Variants in EPHB1 observed in about 807,000 individuals in gnomAD.
EPHB1 encodes EPH receptor B1, also known as ephrin type-B receptor 1.
A neutral mutation model predicts 94.4 loss-of-function variants in EPHB1; 30 were observed. The observed-to-expected ratio is 0.32, with a 90% CI of 0.24 to 0.43. The LOEUF (loss-of-function observed/expected upper bound fraction) is 0.43. EPHB1 is among the 20% of genes least tolerant of loss of function. The probability of loss-of-function intolerance (pLI) is 1.00; values close to 1 mark genes in which losing one functional copy is unlikely to be tolerated. For missense variants in EPHB1, 1,055 were observed against 1,308.3 expected, an observed-to-expected ratio of 0.81 and a Z score of 2.99; for synonymous variants, 522 against 489.1, an observed-to-expected ratio of 1.07 and a Z score of -0.89.
intron 3 of EPHB1, among the ~76,000 whole-genome samples, chr3:135,021,503 C>T (rs55801707): frequency 0.26 from 38,560 of 150,606 alleles, 6,364 homozygotes; most frequent in East Asian, 0.71. Flanking sequence ...AAATCTCTCC[C>T]CCCACCCCCC....
Position 135,028,311 on chromosome 3 carries a change from G to A in EPHB1, c.805+76259G>A, listed in dbSNP as rs564596516. 2.8e-5 allele frequency among the ~76,000 whole-genome samples: 4 copies of A among 143,766 alleles called. No homozygotes were observed. The South Asian group carries it at 8.9e-4, about 32-fold the overall frequency. The allele number at this position is 143,766 out of a possible 152,430, so 94.3% of individuals were successfully genotyped here. ...TTGCTTTTCTAGTTCTTTTAATTGT[G>A]ATGTTAGGGTGTCAATTTTTGATCT... On this transcript the variant is annotated intron_variant, in intron 3 of 15. Transcript: ENST00000398015.
chr3:135,155,326 A>C (rs969917570), intron 6 of EPHB1, among the ~76,000 whole-genome samples: 2 of 152,130 alleles, frequency 1.3e-5, no homozygotes, highest in African/African-American at 4.8e-5. Flanking sequence ...TGAAGAAAGT[A>C]AGATCGTTGT....
intron 1 of EPHB1, among the ~76,000 whole-genome samples, chr3:134,871,232 A>G (rs141286065): frequency 9.2e-5 from 14 of 152,350 alleles, no homozygotes; most frequent in Non-Finnish European, 1.8e-4. Context: ...GACCTAATGA[A>G]GAGACCATCA....
chr3:134,897,116 G>GGGCCC (rs2038101692), intron 1 of EPHB1, among the ~76,000 whole-genome samples: 1 of 152,230 alleles, frequency 6.6e-6, no homozygotes, highest in South Asian at 2.1e-4. Context: ...AGGGAACCTG[G>GGGCCC]GGCCCAGCCC....
intron 1 of EPHB1, among the ~76,000 whole-genome samples, chr3:134,878,076 G>A (rs990710254): frequency 1.5e-4 from 23 of 152,238 alleles, no homozygotes; most frequent in African/African-American, 5.3e-4. Flanking sequence ...CGGAGGGCAG[G>A]CACTGAGTGT....
intron 3 of EPHB1, among the ~76,000 whole-genome samples, chr3:135,047,295 CAG>C (rs1355877209): frequency 6.6e-6 from 1 of 152,184 alleles, no homozygotes; most frequent in Non-Finnish European, 1.5e-5. Flanking sequence ...GCTGGGGAAA[CAG>C]AAGGTGAGAA....
chr3:134,891,427 G>A lies in EPHB1; in HGVS notation c.59-34389G>A, dbSNP rs1010235420. Among the ~76,000 whole-genome samples the A allele has an allele frequency of 1.1e-4, 16 of 151,986 alleles. 1 individual carries two copies. The highest frequency in any genetic ancestry group is 1.0e-3 in the Admixed American group (16 of 15,262). ...CCCTGGCCTATTCCTAATTTTTCCA[G>A]GAAAATTTCTGATGTTTTTCATTAA... is the stretch of plus-strand genomic sequence containing the variant. On this transcript the variant is annotated intron_variant, in intron 1 of 15. Transcript: ENST00000398015.
At chr3:134,848,682 C>T (rs1169601134) in intron 1 of EPHB1, among the ~76,000 whole-genome samples, 6 of 152,186 alleles carry the variant, frequency 3.9e-5, no homozygotes, top group African/African-American at 1.4e-4. Flanking sequence ...TGCAGGCTGT[C>T]ACGCTTTCTC....
At chr3:134,854,102 T>C (rs1290063794) in intron 1 of EPHB1, among the ~76,000 whole-genome samples, 1 of 152,186 alleles carries the variant, frequency 6.6e-6, no homozygotes, top group Non-Finnish European at 1.5e-5. Context: ...TGAGGTGATA[T>C]TGGGCTGAGC....
At chr3:135,200,910 G>A (rs1195137763) in intron 11 of EPHB1, among the ~76,000 whole-genome samples, 1 of 152,164 alleles carries the variant, frequency 6.6e-6, no homozygotes, top group East Asian at 1.9e-4. Flanking sequence ...CATGTTGAGG[G>A]CCCTAAGGCA....
At chr3:135,109,811 G>A (rs1939370243) in intron 4 of EPHB1, among the ~76,000 whole-genome samples, 1 of 152,248 alleles carries the variant, frequency 6.6e-6, no homozygotes, top group Admixed American at 6.5e-5. Context: ...GTGCCAAGAA[G>A]CTGGGCAGGA....
chr3:135,127,578 C>T (rs932291035), intron 4 of EPHB1, among the ~76,000 whole-genome samples: 1 of 152,108 alleles, frequency 6.6e-6, no homozygotes, highest in Non-Finnish European at 1.5e-5. Flanking sequence ...AGAAGGTTAG[C>T]CTTATTAAGA....
At chr3:134,903,014 A>G (rs950938177) in intron 1 of EPHB1, among the ~76,000 whole-genome samples, 7 of 152,168 alleles carry the variant, frequency 4.6e-5, no homozygotes, top group Non-Finnish European at 8.8e-5. Context: ...CACCCTGGCC[A>G]CCCTTCCGCA....
intron 1 of EPHB1, among the ~76,000 whole-genome samples, chr3:134,821,017 A>G (rs758039195): frequency 6.6e-6 from 1 of 152,226 alleles, no homozygotes; most frequent in African/African-American, 2.4e-5. Flanking sequence ...TCCAGTCCAC[A>G]TCAGAGGGCC....
chr3:134,977,182 A>G (rs1319793914), intron 3 of EPHB1, among the ~76,000 whole-genome samples: 1 of 152,122 alleles, frequency 6.6e-6, no homozygotes, highest in Non-Finnish European at 1.5e-5. Context: ...GCAGACTTTC[A>G]GCTTGTGCTT....
intron 3 of EPHB1, among the ~76,000 whole-genome samples, chr3:135,017,295 G>A (rs1417082597): frequency 1.3e-5 from 2 of 152,040 alleles, no homozygotes; most frequent in Non-Finnish European, 2.9e-5. Flanking sequence ...TGAAAGAAAG[G>A]GAAATTAAAA....
In EPHB1 at chr3:135,154,213, A is replaced by G. The variant is rs764684998; in HGVS notation, c.1359A>G (p.Ser453=). 2.5e-6 allele frequency: 4 copies of G among 1,614,008 alleles called. No homozygotes were observed. The highest frequency in any genetic ancestry group is 1.6e-4 in the Middle Eastern group (1 of 6,062). ...VSATMRSITL[S]WPQPEQPNGI... is the part of the protein sequence containing the mutation. Reference sequence around the variant, plus strand: ...CCACTATGAGGAGCATCACCTTGTCATGGCCACAGCCGGAGCAGCCCAATG... The same window carrying G: ...CCACTATGAGGAGCATCACCTTGTCGTGGCCACAGCCGGAGCAGCCCAATG... Residue 453 remains serine (S), a synonymous_variant, in exon 6 of 16, where the codon TCA becomes TCG. Transcript: ENST00000398015.
chr3:135,193,855 A>G (rs551559739), intron 11 of EPHB1, among the ~76,000 whole-genome samples: 1 of 152,306 alleles, frequency 6.6e-6, no homozygotes, highest in African/African-American at 2.4e-5. Context: ...TTAGCACAAC[A>G]ACAATTTATT....
intron 3 of EPHB1, among the ~76,000 whole-genome samples, chr3:134,969,499 C>T (rs1840953): frequency 6.6e-6 from 1 of 152,044 alleles, no homozygotes; most frequent in Non-Finnish European, 1.5e-5. Flanking sequence ...CAGGGGAGAG[C>T]CAATTCTTAG....
Sources: allele counts gnomAD v4.1 joint callset (sites outside exome capture counted in the v4.1 genomes callset), GRCh38; gene constraint gnomAD v4.1.1; transcripts MANE v1.5; gene names NCBI Gene and HGNC (gene_info 2026-07-23, HGNC 2026-07-21).